The following LCORL variants were observed in gnomAD, a reference collection of about 807,000 sequenced individuals.
LCORL encodes ligand-dependent nuclear receptor corepressor-like protein.
In LCORL, 41 loss-of-function variants were observed where a neutral mutation model predicts 141.8. The observed-to-expected ratio is 0.29, with a 90% CI of 0.23 to 0.38. LCORL has a LOEUF of 0.38. LCORL is among the 10% of genes least tolerant of loss of function. The probability of loss-of-function intolerance (pLI) is 1.00; values close to 1 mark genes in which losing one functional copy is unlikely to be tolerated. For missense variants in LCORL, 1,759 were observed against 2,035.0 expected (o/e 0.86, Z 2.61); for synonymous variants, 618 against 694.1 (o/e 0.89, Z 1.72).
intron 7 of LCORL, among the ~76,000 whole-genome samples, chr4:17,856,100 A>G (rs1383383468): frequency 6.6e-6 from 1 of 152,232 alleles, no homozygotes; most frequent in African/African-American, 2.4e-5. Flanking sequence ...CGATTCCAGT[A>G]TGGCTTCTAG....
chr4:17,961,848 C>G (rs1301387955), intron 4 of LCORL, 55 bp downstream of exon 4: 6 of 1,511,550 alleles, frequency 4.0e-6, no homozygotes, highest in Middle Eastern at 1.8e-4. Flanking sequence ...TAAAAAAATT[C>G]CAACATTTTA....
At chr4:17,944,419 T>C (rs1207491810) in intron 4 of LCORL, among the ~76,000 whole-genome samples, 2 of 152,186 alleles carry the variant, frequency 1.3e-5, no homozygotes, top group African/African-American at 2.4e-5. Flanking sequence ...TTCACTTATA[T>C]CAGTATTAAA....
rs529177549 is a variant in LCORL at position 17,842,088 on chromosome 4, C to T, written c.*3800G>A. The T allele has an allele frequency of 6.9e-4, 298 of 431,494 alleles. 1 individual carries two copies. The highest frequency in any genetic ancestry group is 6.5e-3 in the South Asian group (211 of 32,404). 26.7% of individuals were successfully genotyped at this position (431,494 alleles called of 1,614,324 possible). A position where few individuals can be genotyped will look rare whatever the true frequency, so the allele number is the denominator to read the frequency against. ...CTTGAAATTTCCTTATTTTCCCTTA[C>T]TCATTATTAGTGCTTACAAAATAAA... On this transcript the variant is annotated 3_prime_UTR_variant, in exon 8 of 8. Transcript: ENST00000635767.
At chr4:17,841,920 C>T (rs963812268) in exon 8 of LCORL, 10 of 160,668 alleles carry the variant, frequency 6.2e-5, no homozygotes, top group Non-Finnish European at 1.4e-4. Flanking sequence ...TGTTTATGCA[C>T]CTAACCTACC....
At chr4:17,933,009 GCTGT>G (rs996241155) in intron 4 of LCORL, among the ~76,000 whole-genome samples, 8 of 152,194 alleles carry the variant, frequency 5.3e-5, no homozygotes, top group Admixed American at 2.0e-4. Flanking sequence ...TTGCTCTGGG[GCTGT>G]CTTTCTTTAA....
chr4:17,866,724 T>C (rs1436990918), intron 7 of LCORL, among the ~76,000 whole-genome samples: 1 of 152,096 alleles, frequency 6.6e-6, no homozygotes, highest in Admixed American at 6.6e-5. Flanking sequence ...TATAGGTGAA[T>C]TCACTAGGCT....
At chr4:17,860,533 T>C (rs114419758) in intron 7 of LCORL, among the ~76,000 whole-genome samples, 2 of 152,128 alleles carry the variant, frequency 1.3e-5, no homozygotes, top group African/African-American at 2.4e-5. Flanking sequence ...AAGATAAGAT[T>C]TGAATGGGGA....
chr4:17,991,729 A>G (rs1720043674), intron 1 of LCORL, among the ~76,000 whole-genome samples: 1 of 152,226 alleles, frequency 6.6e-6, no homozygotes, highest in Non-Finnish European at 1.5e-5. Context: ...AAGAGGAAGA[A>G]TATGTCATTT....
intron 7 of LCORL, among the ~76,000 whole-genome samples, chr4:17,849,409 C>T (rs1723354113): frequency 6.6e-6 from 1 of 152,194 alleles, no homozygotes; most frequent in Non-Finnish European, 1.5e-5. Context: ...GTTACCCAGG[C>T]AAACAGGGTC....
At chr4:17,966,564 T>C (rs1714919424) in intron 2 of LCORL, among the ~76,000 whole-genome samples, 1 of 152,098 alleles carries the variant, frequency 6.6e-6, no homozygotes, top group African/African-American at 2.4e-5. Flanking sequence ...AATCTGTCTC[T>C]AAAAACAGCA....
chr4:17,866,738 C>T (rs1725709511), intron 7 of LCORL, among the ~76,000 whole-genome samples: 1 of 151,980 alleles, frequency 6.6e-6, no homozygotes, highest in Non-Finnish European at 1.5e-5. Flanking sequence ...CTAGGCTTAA[C>T]GTTACGATAA....
chr4:17,913,819 C>T (rs77594252), intron 4 of LCORL, among the ~76,000 whole-genome samples: 11,294 of 152,148 alleles, frequency 0.074, 954 homozygotes, highest in African/African-American at 0.21. Context: ...CAGTTAATAA[C>T]GTAAAAAAAA....
intron 2 of LCORL, among the ~76,000 whole-genome samples, chr4:17,963,734 A>G (rs1714316658): frequency 6.6e-6 from 1 of 151,956 alleles, no homozygotes; most frequent in South Asian, 2.1e-4. Context: ...ACTGAATTTT[A>G]TGAAGGCATA....
chr4:17,912,618 T>C (rs535290736), intron 4 of LCORL: 3 of 396,200 alleles, frequency 7.6e-6, no homozygotes, highest in South Asian at 2.0e-5. Context: ...TCCTTGGAGA[T>C]GGACCTGGAC....
chr4:17,867,565 T>G (rs1026567280), intron 7 of LCORL, among the ~76,000 whole-genome samples: 3 of 152,228 alleles, frequency 2.0e-5, no homozygotes, highest in African/African-American at 7.2e-5. Context: ...CACCAGTATG[T>G]GGAATCAGCC....
chr4:18,021,698 G>GGCGGCGGCA lies in LCORL; in HGVS notation c.45_53dup (p.Ala20_Ala22dup), dbSNP rs1456468352. ...GGCTCCGGCACTGAGCGGCGGCGGC[G>GGCGGCGGCA]GCGGCGGCAGCAGCGGCGGCGGCAG... On this transcript the variant is annotated inframe_insertion, in exon 1 of 8. Transcript: ENST00000635767. The surrounding 1 kb of genome is among the most constrained non-coding windows in gnomAD (Gnocchi z 5.5). 9 of 1,530,724 alleles carry GGCGGCGGCA rather than the reference G, an allele frequency of 5.9e-6. No individual in the cohort carries two copies. The highest frequency in any genetic ancestry group is 7.9e-6 in the Non-Finnish European group (9 of 1,139,710). 94.8% of individuals were successfully genotyped at this position (1,530,724 alleles called of 1,614,324 possible). A position where few individuals can be genotyped will look rare whatever the true frequency, so the allele number is the denominator to read the frequency against.
chr4:17,915,864 GT>G (rs1733317003), intron 4 of LCORL, among the ~76,000 whole-genome samples: 1 of 152,172 alleles, frequency 6.6e-6, no homozygotes, highest in Non-Finnish European at 1.5e-5. Context: ...TTAGATGTTT[GT>G]CCCCTCTAAA....
At chr4:17,919,321 TAG>T (rs1273461561) in intron 4 of LCORL, among the ~76,000 whole-genome samples, 1 of 152,174 alleles carries the variant, frequency 6.6e-6, no homozygotes, top group African/African-American at 2.4e-5. Context: ...ACCAGATATT[TAG>T]AGAGAAATTA....
chr4:18,006,722 C>T (rs777959754), intron 1 of LCORL, among the ~76,000 whole-genome samples: 4 of 152,076 alleles, frequency 2.6e-5, no homozygotes, highest in Admixed American at 6.5e-5. Flanking sequence ...ACAAGAACAG[C>T]GCAGGAAAGA....
Sources: allele counts gnomAD v4.1 joint callset (sites outside exome capture counted in the v4.1 genomes callset), GRCh38; gene constraint gnomAD v4.1.1; non-coding constraint Gnocchi (gnomAD v3.1); transcripts MANE v1.5; gene names NCBI Gene and HGNC (gene_info 2026-07-23, HGNC 2026-07-21).